ANK2: variants seen among roughly 807,000 people sequenced by gnomAD.
The protein encoded by ANK2 is ankyrin 2, also known as ankyrin-2.
In ANK2, 83 loss-of-function variants were observed where a neutral mutation model predicts 360.5. The observed-to-expected ratio is 0.23, with a 90% CI of 0.19 to 0.28. ANK2 has a LOEUF of 0.28. ANK2 is among the 10% of genes least tolerant of loss of function. The pLI, the probability that ANK2 is intolerant of heterozygous loss-of-function variation, is 1.00. For missense variants in ANK2, 4,201 were observed against 4,795.7 expected (o/e 0.88, Z 3.66); for synonymous variants, 1,740 against 1,759.5 (o/e 0.99, Z 0.28).
intron 1 of ANK2, among the ~76,000 whole-genome samples, chr4:112,878,301 TTTTA>T (rs2075734666): frequency 6.6e-6 from 1 of 152,078 alleles, no homozygotes; most frequent in Admixed American, 6.6e-5. Context: ...GTTGTGGTTC[TTTTA>T]TTTGTTTATT....
intron 1 of ANK2, among the ~76,000 whole-genome samples, chr4:113,147,516 C>A (rs1251909762): frequency 2.0e-5 from 3 of 152,108 alleles, no homozygotes; most frequent in African/African-American, 7.2e-5. Context: ...TGGAGCATAT[C>A]ATGATTGGTG....
chr4:112,947,986 T>C lies in ANK2; in HGVS notation c.21+43472T>C, dbSNP rs540995395. On this transcript the variant is annotated intron_variant, in intron 2 of 30. Transcript: ENST00000503271. ...AAGATTTAAAATATTTCGTTCTACT[T>C]AGTGCTCTGAGCACTCTTCCCTCCT... is the stretch of plus-strand genomic sequence containing the variant. Among the ~76,000 whole-genome samples, 103 of 152,356 alleles carry C rather than the reference T, an allele frequency of 6.8e-4. 2 individuals are homozygous for C. Among genetic ancestry groups the C allele is most frequent in the South Asian group, 2.5e-3 (12 of 4,830 alleles).
At chr4:113,120,156 A>T (rs987896722) in intron 1 of ANK2, among the ~76,000 whole-genome samples, 3 of 152,134 alleles carry the variant, frequency 2.0e-5, no homozygotes, top group Admixed American at 1.3e-4. Flanking sequence ...TATCTATTGT[A>T]TGTGTCATAC....
intron 1 of ANK2, among the ~76,000 whole-genome samples, chr4:113,081,439 C>G (rs557673575): frequency 2.1e-4 from 32 of 152,226 alleles, no homozygotes; most frequent in African/African-American, 7.0e-4. Context: ...GAATTAATCA[C>G]GAATTCAACT....
At chr4:112,964,364 C>T in intron 2 of ANK2, among the ~76,000 whole-genome samples, 1 of 150,944 alleles carries the variant, frequency 6.6e-6, no homozygotes, top group East Asian at 2.0e-4. Context: ...AATTCTTCTA[C>T]TCTCTGTCTC....
At chr4:112,864,600 G>A (rs1358829933) in intron 1 of ANK2, among the ~76,000 whole-genome samples, 1 of 151,978 alleles carries the variant, frequency 6.6e-6, no homozygotes, top group Non-Finnish European at 1.5e-5. Context: ...GTCAGCCCCG[G>A]CGCCCGGCCG....
chr4:112,869,912 A>G (rs1424832395), intron 1 of ANK2, among the ~76,000 whole-genome samples: 1 of 151,988 alleles, frequency 6.6e-6, no homozygotes, highest in Non-Finnish European at 1.5e-5. Flanking sequence ...GAACTCCTGG[A>G]CTGAAGTGAT....
chr4:113,255,923 C>T lies in ANK2; in HGVS notation c.1179C>T (p.Ala393=). The stretch of plus-strand genomic sequence containing the variant: ...TAGACAAGAGAGCCAATCCGAACGC[C>T]AGAGCCCTGGTAAACTTGGCCCAGT... ...LLLDKRANPN[A]RALNGFTPLH... The change falls in exon 11 of 46, where the codon GCC becomes GCT. Residue 393 remains alanine (A), a synonymous_variant. Coordinates refer to ENST00000357077, the MANE Select transcript of ANK2 (RefSeq NM_001148.6). The T allele has an allele frequency of 6.2e-7, 1 of 1,614,182 alleles. No individual in the cohort carries two copies. The highest frequency in any genetic ancestry group is 8.5e-7 in the Non-Finnish European group (1 of 1,180,026).
chr4:112,865,714 A>G (rs1358912891), intron 1 of ANK2, among the ~76,000 whole-genome samples: 1 of 152,222 alleles, frequency 6.6e-6, no homozygotes, highest in East Asian at 1.9e-4. Context: ...TAACCATTAG[A>G]AAAATGTAAA....
At chr4:113,318,371 C>T (rs778531236) in intron 25 of ANK2, 146 bp from the exon 26 acceptor site, 2 of 661,762 alleles carry the variant, frequency 3.0e-6, no homozygotes, top group Non-Finnish European at 5.4e-6. Context: ...TTAAAAGATT[C>T]ATTGTAAATA....
intron 2 of ANK2, among the ~76,000 whole-genome samples, chr4:113,013,906 G>A (rs1268253015): frequency 1.0e-5 from 1 of 98,586 alleles, no homozygotes; most frequent in Admixed American, 1.1e-4. Flanking sequence ...CTTAAAATCA[G>A]CATTTTTTTT....
chr4:113,232,002 AT>A (rs2099313620), intron 4 of ANK2, among the ~76,000 whole-genome samples, 158 bp from the exon 5 acceptor site: 1 of 152,188 alleles, frequency 6.6e-6, no homozygotes, highest in Admixed American at 6.5e-5. Context: ...ATGGGGCTTG[AT>A]TCACTGCGAT....
chr4:113,239,673 A>AT (rs1280448653), intron 7 of ANK2, among the ~76,000 whole-genome samples: 2 of 152,220 alleles, frequency 1.3e-5, no homozygotes, highest in East Asian at 1.9e-4. Context: ...AAGGAAATAT[A>AT]TTTTTTTCAT....
chr4:113,153,497 A>T (rs1490151137), intron 1 of ANK2, among the ~76,000 whole-genome samples: 6 of 152,224 alleles, frequency 3.9e-5, no homozygotes. Context: ...AATAAAAGAC[A>T]TTTAACAATT....
intron 1 of ANK2, among the ~76,000 whole-genome samples, chr4:113,103,499 G>A (rs2093216844): frequency 6.6e-6 from 1 of 152,108 alleles, no homozygotes; most frequent in Non-Finnish European, 1.5e-5. Context: ...TGTCAGTGAT[G>A]TTTTAATGGC....
At chr4:112,911,562 A>T (rs187428299) in intron 2 of ANK2, among the ~76,000 whole-genome samples, 93 of 152,076 alleles carry the variant, frequency 6.1e-4, no homozygotes, top group African/African-American at 2.2e-3. Flanking sequence ...GGCTCAAGAG[A>T]TCCTCCCACT....
At chr4:113,167,268 A>G (rs1040381539) in intron 1 of ANK2, among the ~76,000 whole-genome samples, 3 of 150,292 alleles carry the variant, frequency 2.0e-5, no homozygotes, top group African/African-American at 7.3e-5. Context: ...TTTTATAAAG[A>G]TGGGTTCTCA....
At chr4:113,072,917 C>T (rs2078232327) in intron 1 of ANK2, among the ~76,000 whole-genome samples, 2 of 143,996 alleles carry the variant, frequency 1.4e-5, no homozygotes, top group African/African-American at 2.6e-5. Flanking sequence ...ATTAGTAGAC[C>T]TGCTTTTCTT....
chr4:112,906,224 A>G (rs913808339), intron 2 of ANK2, among the ~76,000 whole-genome samples: 25 of 152,294 alleles, frequency 1.6e-4, no homozygotes, highest in African/African-American at 6.0e-4. Context: ...CTGACAGGTC[A>G]AGAAAGATGA....
Sources: allele counts gnomAD v4.1 joint callset (sites outside exome capture counted in the v4.1 genomes callset), GRCh38; gene constraint gnomAD v4.1.1; transcripts MANE v1.5; gene names NCBI Gene and HGNC (gene_info 2026-07-23, HGNC 2026-07-21).